Variants in DSC3 observed in about 807,000 individuals in gnomAD.
DSC3 encodes desmocollin-3.
DSC3 carries 97 observed loss-of-function variants against 89.5 expected under a neutral mutation model. The observed-to-expected ratio is 1.08, with a 90% confidence interval of 0.92 to 1.28. The LOEUF is 1.28. Ranked by LOEUF, DSC3 falls within the 50% of genes most tolerant of loss-of-function variation. DSC3 has a pLI of 0.00. For missense variants in DSC3, 1,199 were observed against 1,085.3 expected (o/e 1.10, Z -1.47); for synonymous variants, 436 against 384.1 (o/e 1.14, Z -1.58).
intron 9 of DSC3, among the ~76,000 whole-genome samples, chr18:31,016,600 A>T (rs276911): frequency 0.46 from 70,455 of 151,956 alleles, 16,933 homozygotes; most frequent in East Asian, 0.88. Flanking sequence ...GTAGATTCAC[A>T]TCTCAAGACT....
chr18:30,994,537 C>A lies in DSC3; in HGVS notation c.2494-165G>T, dbSNP rs768273194. On this transcript the variant is annotated intron_variant, in intron 15 of 15. Coordinates refer to ENST00000360428, the MANE Select transcript of DSC3 (RefSeq NM_001941.5). ...GCAAATGATTGGTCTATATCACAAC[C>A]ATACCATAAAGTCAGTATAGTTTAC... The A allele has an allele frequency of 1.4e-5, 21 of 1,495,532 alleles. No individual in the cohort carries two copies. In the South Asian group the frequency reaches 2.2e-4, roughly 16 times the overall value. The allele number at this position is 1,495,532 out of a possible 1,614,324, so 92.6% of individuals were successfully genotyped here.
intron 13 of DSC3, among the ~76,000 whole-genome samples, chr18:31,002,396 A>G (rs779757299): frequency 6.6e-6 from 1 of 152,206 alleles, no homozygotes; most frequent in Non-Finnish European, 1.5e-5. Context: ...CAGAAGAATA[A>G]GAGTTTATAA....
chr18:31,024,205 G>C, intron 6 of DSC3, 144 bp downstream of exon 6: 2 of 683,336 alleles, frequency 2.9e-6, no homozygotes, highest in Non-Finnish European at 4.4e-6. Flanking sequence ...TGAAAGTGAT[G>C]GGATTAAGTG....
intron 2 of DSC3, 63 bp downstream of exon 2, chr18:31,032,129 C>G: frequency 8.6e-7 from 1 of 1,169,514 alleles, no homozygotes; most frequent in African/African-American, 1.5e-5. Context: ...GGTATTATAT[C>G]ATGCTCTTTC....
Position 30,991,117 on chromosome 18 carries a change from C to T in DSC3, c.*3058G>A, listed in dbSNP as rs2850323. 41,900 of 152,480 alleles carry T rather than the reference C, an allele frequency of 0.27. 6,226 individuals are homozygous for T. The highest frequency in any genetic ancestry group is 0.39 in the African/African-American group (16,331 of 41,462). The allele number at this position is 152,480 out of a possible 1,614,324, so 9.4% of individuals were successfully genotyped here. On this transcript the variant is annotated 3_prime_UTR_variant, in exon 16 of 16. Coordinates refer to ENST00000360428, the MANE Select transcript of DSC3 (RefSeq NM_001941.5). ...CCCCACATCTGTAAATATTACTTTA[C>T]GCATCCAATTTTTGCTTATTTTAAG... is the stretch of plus-strand genomic sequence containing the variant.
Position 31,037,071 on chromosome 18 carries a change from G to A in DSC3, c.70-4795C>T, listed in dbSNP as rs143136129. ...CTCCCAAAGTGCTGGGATTACAGGCGTGAGCCACCGCACTCGGCCGAATTA... is the reference window on the plus strand; with the variant it reads ...CTCCCAAAGTGCTGGGATTACAGGCATGAGCCACCGCACTCGGCCGAATTA... On this transcript the variant is annotated intron_variant, in intron 1 of 15. Coordinates refer to ENST00000360428, the MANE Select transcript of DSC3 (RefSeq NM_001941.5). Among the ~76,000 whole-genome samples, 17 of 152,114 alleles carry A rather than the reference G, an allele frequency of 1.1e-4. No individual in the cohort carries two copies. The East Asian group carries it at 3.1e-3, about 28-fold the overall frequency.
intron 15 of DSC3, among the ~76,000 whole-genome samples, chr18:30,995,872 T>C (rs1001845867): frequency 2.8e-5 from 4 of 145,216 alleles, no homozygotes; most frequent in Non-Finnish European, 5.9e-5. Flanking sequence ...CTCAGGAGGC[T>C]GACATAGAAG....
intron 2 of DSC3, among the ~76,000 whole-genome samples, chr18:31,031,564 A>G (rs571942006): frequency 6.6e-6 from 1 of 152,318 alleles, no homozygotes; most frequent in South Asian, 2.1e-4. Flanking sequence ...AGATACACCT[A>G]TATTCAGTGA....
In DSC3 at chr18:31,029,537, A is replaced by C. The variant is rs913412331; in HGVS notation, c.446T>G (p.Leu149Trp). Residue 149 changes from leucine (L) to tryptophan (W), a missense_variant, in exon 4 of 16, where the codon TTG becomes TGG. Transcript: ENST00000360428. ...PIPCSMQENS[L>W]GPFPLFLQQV... is the part of the protein sequence containing the mutation. The stretch of plus-strand genomic sequence containing the variant: ...TTGAAGAAACAATGGGAAAGGGCCC[A>C]AGGAATTCTCTTGCATAGAGCAAGG... 2 of 1,613,792 alleles carry C rather than the reference A, an allele frequency of 1.2e-6. No individual in the cohort carries two copies. The highest frequency in any genetic ancestry group is 2.7e-5 in the African/African-American group (2 of 74,942).
chr18:30,998,929 T>C (rs140906484), intron 14 of DSC3, among the ~76,000 whole-genome samples: 152 of 151,420 alleles, frequency 1.0e-3, no homozygotes, highest in African/African-American at 3.5e-3. Flanking sequence ...AGGAGTATTA[T>C]AGAGAAATCA....
intron 7 of DSC3, among the ~76,000 whole-genome samples, chr18:31,019,046 G>A (rs930129514): frequency 1.3e-5 from 2 of 152,216 alleles, no homozygotes; most frequent in African/African-American, 2.4e-5. Context: ...AGGTAATAGC[G>A]AAAAGGTTTT....
rs1164281912 is a variant in DSC3 at position 31,031,225 on chromosome 18, C to T, written c.155-53G>A. ...GGTAAAAACACATGAGAAAAAAAAA[C>T]GTGTTAAAATAATTTATATAATATT... On this transcript the variant is annotated intron_variant, in intron 2 of 15. Transcript: ENST00000360428. 8.3e-6 allele frequency: 10 copies of T among 1,210,712 alleles called. 1 individual carries two copies. The highest frequency in any genetic ancestry group is 6.9e-5 in the South Asian group (5 of 72,190). The allele number at this position is 1,210,712 out of a possible 1,614,324, so 75.0% of individuals were successfully genotyped here. A position where few individuals can be genotyped will look rare whatever the true frequency, so the allele number is the denominator to read the frequency against.
rs1162061948 is a variant in DSC3, at chr18:31,024,429, C to A, written c.695G>T (p.Arg232Met). The A allele has an allele frequency of 1.9e-6, 3 of 1,612,430 alleles. No individual in the cohort carries two copies. Among genetic ancestry groups the A allele is most frequent in the African/African-American group, 1.3e-5 (1 of 74,984 alleles). Reference protein sequence around the residue: ...SADLPLPLPIRVEDENDNHPV... With the variant: ...SADLPLPLPIMVEDENDNHPV... ...GTGGTTGTCATTTTCATCCTCTACCCTGATGGGTAGTGGGAGGGGCAGATC... is the reference window on the plus strand; with the variant it reads ...GTGGTTGTCATTTTCATCCTCTACCATGATGGGTAGTGGGAGGGGCAGATC... The change falls in exon 6 of 16, where the codon AGG becomes ATG. Residue 232 changes from arginine (R) to methionine (M), a missense_variant. Arg to Met is a moderately conservative substitution (Grantham distance 91). Coordinates refer to ENST00000360428, the MANE Select transcript of DSC3 (RefSeq NM_001941.5).
At chr18:31,000,607 A>G (rs1984619754) in intron 14 of DSC3, among the ~76,000 whole-genome samples, 1 of 152,160 alleles carries the variant, frequency 6.6e-6, no homozygotes, top group Admixed American at 6.5e-5. Context: ...CTTTTCCAAC[A>G]CATGATTTCT....
chr18:30,992,417 C>T lies in DSC3; in HGVS notation c.*1758G>A, dbSNP rs71361309. 2,329 of 152,344 alleles carry T rather than the reference C, an allele frequency of 0.015. 31 individuals carry two copies. Among genetic ancestry groups the T allele is most frequent in the Non-Finnish European group, 0.026 (1,740 of 68,056 alleles). The allele number at this position is 152,344 out of a possible 1,614,324, so 9.4% of individuals were successfully genotyped here. A position where few individuals can be genotyped will look rare whatever the true frequency, so the allele number is the denominator to read the frequency against. On this transcript the variant is annotated 3_prime_UTR_variant, in exon 16 of 16. Transcript: ENST00000360428. The stretch of plus-strand genomic sequence containing the variant: ...GCCTTCAGACTCATCATGCAGTCAG[C>T]TCTGTCTCCTTGATTTCTCACTCCA...
intron 13 of DSC3, among the ~76,000 whole-genome samples, chr18:31,002,075 A>C (rs1984682236): frequency 6.6e-6 from 1 of 152,184 alleles, no homozygotes; most frequent in South Asian, 2.1e-4. Flanking sequence ...ATTCCCCTAA[A>C]AATAATTTTC....
intron 12 of DSC3, among the ~76,000 whole-genome samples, 167 bp from the exon 13 acceptor site, chr18:31,004,533 T>A (rs1984774342): frequency 6.6e-6 from 1 of 152,210 alleles, no homozygotes; most frequent in Non-Finnish European, 1.5e-5. Context: ...TCTACTGTTA[T>A]CTTATATGTG....
In DSC3 at chr18:31,001,613, C is replaced by T; in HGVS notation, c.2235+5G>A. ...CAAATACATATTTATTTAAAAATTA[C>T]TTACCACTCTATCGTCTCCAGGTGC... On this transcript the variant is annotated splice_donor_5th_base_variant and intron_variant, in intron 14 of 15. Coordinates refer to ENST00000360428, the MANE Select transcript of DSC3 (RefSeq NM_001941.5). The T allele has an allele frequency of 1.9e-6, 3 of 1,608,728 alleles. No homozygotes were observed. The highest frequency in any genetic ancestry group is 2.5e-6 in the Non-Finnish European group (3 of 1,176,772).
intron 1 of DSC3, among the ~76,000 whole-genome samples, chr18:31,036,590 C>A (rs775238914): frequency 6.6e-6 from 1 of 151,596 alleles, no homozygotes; most frequent in African/African-American, 2.4e-5. Context: ...TATTTTTGCT[C>A]TTTTTAGACT....
Sources: gnomAD v4.1 joint callset for allele counts (sites outside exome capture counted in the v4.1 genomes callset) on GRCh38, gnomAD v4.1.1 for gene constraint, MANE v1.5 for transcripts, NCBI Gene and HGNC (gene_info 2026-07-23, HGNC 2026-07-21) for gene names.